Variants in HTR4 observed in about 807,000 individuals in gnomAD.
HTR4 encodes 5-hydroxytryptamine receptor 4.
A neutral mutation model predicts 36.8 loss-of-function variants in HTR4; 16 were observed. That is an observed-to-expected ratio of 0.43 (90% confidence interval 0.29 to 0.66). HTR4 has a LOEUF of 0.66. Ranked by LOEUF, HTR4 falls within the 30% of genes least tolerant of loss-of-function variation. The pLI, the probability that HTR4 is intolerant of heterozygous loss-of-function variation, is 0.13. For missense variants in HTR4, 438 were observed against 490.9 expected (o/e 0.89, Z 1.02); for synonymous variants, 189 against 185.1 (o/e 1.02, Z -0.17).
chr5:148,494,944 A>G (rs1187638250), intron 6 of HTR4, among the ~76,000 whole-genome samples: 1 of 152,234 alleles, frequency 6.6e-6, no homozygotes, highest in African/African-American at 2.4e-5. Flanking sequence ...CCTGTTTATC[A>G]CAGGGATTAA....
intron 2 of HTR4, among the ~76,000 whole-genome samples, chr5:148,551,614 T>C (rs1759696749): frequency 6.6e-6 from 1 of 152,250 alleles, no homozygotes; most frequent in Admixed American, 6.5e-5. Flanking sequence ...ATGTTCTTTT[T>C]AATGAAGTTT....
intron 2 of HTR4, among the ~76,000 whole-genome samples, chr5:148,561,030 T>C (rs1760179070): frequency 6.6e-6 from 1 of 152,188 alleles, no homozygotes; most frequent in Non-Finnish European, 1.5e-5. Context: ...AATGGAGTTT[T>C]TATGTAATTC....
intron 2 of HTR4, among the ~76,000 whole-genome samples, chr5:148,571,379 A>G (rs1760671509): frequency 6.6e-6 from 1 of 152,026 alleles, no homozygotes; most frequent in Non-Finnish European, 1.5e-5. Flanking sequence ...TGACTGCTTT[A>G]TTATGTTCTG....
At position 148,614,454 on chromosome 5, in the gene HTR4, G is replaced by T. The variant is rs555209900; in HGVS notation, c.26+22535C>A. Reference sequence around the variant, plus strand: ...GGAAGGATTCCCTATTTAATAAATGGTGCTGGGAAAACTGGCTAGCCATAT... The same window carrying T: ...GGAAGGATTCCCTATTTAATAAATGTTGCTGGGAAAACTGGCTAGCCATAT... On this transcript the variant is annotated intron_variant, in intron 2 of 6. Transcript: ENST00000377888. Among the ~76,000 whole-genome samples, 33 of 152,264 alleles carry T rather than the reference G, an allele frequency of 2.2e-4. 1 individual carries two copies. In the East Asian group the frequency reaches 6.0e-3, roughly 28 times the overall value.
chr5:148,535,803 GAA>G (rs1282834746), intron 4 of HTR4, among the ~76,000 whole-genome samples: 1 of 152,096 alleles, frequency 6.6e-6, no homozygotes, highest in East Asian at 1.9e-4. Context: ...AAACAACTTG[GAA>G]AACATATTTC....
intron 1 of HTR4, among the ~76,000 whole-genome samples, chr5:148,651,698 T>C (rs1239585162): frequency 1.3e-5 from 2 of 151,498 alleles, no homozygotes; most frequent in African/African-American, 4.9e-5. Context: ...TTAATAATAT[T>C]ATTGAATATT....
chr5:148,492,321 T>C (rs1306956193), intron 6 of HTR4, among the ~76,000 whole-genome samples: 1 of 152,224 alleles, frequency 6.6e-6, no homozygotes, highest in Non-Finnish European at 1.5e-5. Context: ...AGAAGGCATA[T>C]TCAAAATAAC....
intron 2 of HTR4, among the ~76,000 whole-genome samples, chr5:148,565,497 G>A (rs1760395409): frequency 6.6e-6 from 1 of 152,254 alleles, no homozygotes; most frequent in African/African-American, 2.4e-5. Flanking sequence ...GTGGAGATGG[G>A]GTTTAGAAGG....
At chr5:148,462,589 G>A (rs1047510868) in intron 5 of HTR4, among the ~76,000 whole-genome samples, 11 of 151,954 alleles carry the variant, frequency 7.2e-5, no homozygotes, top group African/African-American at 2.2e-4. Flanking sequence ...GCCAAACATA[G>A]AAGGAAGAAA....
downstream of HTR4, among the ~76,000 whole-genome samples, chr5:148,472,943 TTG>T (rs998793091): frequency 6.6e-6 from 1 of 152,080 alleles, no homozygotes; most frequent in Non-Finnish European, 1.5e-5. Flanking sequence ...GTATTTATTG[TTG>T]TGTGTGTATG....
At chr5:148,578,607 T>C (rs1277488563) in intron 2 of HTR4, among the ~76,000 whole-genome samples, 2 of 152,106 alleles carry the variant, frequency 1.3e-5, no homozygotes, top group Non-Finnish European at 2.9e-5. Flanking sequence ...GTATAATCGC[T>C]AAAAGCACAG....
chr5:148,609,929 C>A (rs1752345545), intron 2 of HTR4, among the ~76,000 whole-genome samples: 1 of 138,500 alleles, frequency 7.2e-6, no homozygotes, highest in South Asian at 2.4e-4. Flanking sequence ...AAATATTAAT[C>A]TTAGAAACTT....
intron 2 of HTR4, among the ~76,000 whole-genome samples, chr5:148,564,915 G>T (rs1250497354): frequency 2.0e-5 from 3 of 151,964 alleles, no homozygotes; most frequent in Non-Finnish European, 4.4e-5. Context: ...TTCGAGACCA[G>T]CCTGGCCAGT....
Position 148,509,669 on chromosome 5 carries a change from G to C in HTR4, c.863C>G (p.Thr288Ser). 1 of 1,614,126 alleles carries C rather than the reference G, an allele frequency of 6.2e-7. No individual in the cohort carries two copies. Among genetic ancestry groups the C allele is most frequent in the Non-Finnish European group, 8.5e-7 (1 of 1,180,004 alleles). The change falls in exon 6 of 7, where the codon ACT becomes AGT. Residue 288 changes from threonine to serine, a missense_variant. Physicochemically the swap from Thr to Ser is moderately conservative, Grantham distance 58. Coordinates refer to ENST00000377888, the MANE Select transcript of HTR4 (RefSeq NM_000870.7). Reference protein sequence around the residue: ...TNIVDPFIDYTVPGQVWTAFL... With the variant: ...TNIVDPFIDYSVPGQVWTAFL... Reference sequence around the variant, plus strand: ...AGCAGTCCACACCTGCCCAGGGACAGTGTAGTCTATGAAAGGATCCACAAT... The same window carrying C: ...AGCAGTCCACACCTGCCCAGGGACACTGTAGTCTATGAAAGGATCCACAAT...
chr5:148,529,870 T>C (rs1416772010), intron 4 of HTR4, among the ~76,000 whole-genome samples: 1 of 152,212 alleles, frequency 6.6e-6, no homozygotes, highest in African/African-American at 2.4e-5. Flanking sequence ...ATGAGAAACT[T>C]GCTGGGAACT....
intron 2 of HTR4, among the ~76,000 whole-genome samples, chr5:148,571,535 T>C (rs1387359581): frequency 6.6e-6 from 1 of 152,100 alleles, no homozygotes; most frequent in African/African-American, 2.4e-5. Context: ...CTCGTGGATT[T>C]CATTTCAGTA....
chr5:148,641,122 T>G (rs772303673), intron 1 of HTR4, among the ~76,000 whole-genome samples: 2 of 152,200 alleles, frequency 1.3e-5, no homozygotes, highest in Non-Finnish European at 2.9e-5. Context: ...GCTGGGAAGA[T>G]TGCATAGGGT....
At chr5:148,455,399 T>G (rs1471029497) in intron 5 of HTR4, among the ~76,000 whole-genome samples, 1 of 152,232 alleles carries the variant, frequency 6.6e-6, no homozygotes, top group Non-Finnish European at 1.5e-5. Context: ...TAAAAAGATG[T>G]ACTGCCGTGG....
At chr5:148,564,373 T>C (rs1760347396) in intron 2 of HTR4, among the ~76,000 whole-genome samples, 1 of 152,214 alleles carries the variant, frequency 6.6e-6, no homozygotes, top group Non-Finnish European at 1.5e-5. Flanking sequence ...TTGTACCCTA[T>C]AATTATATAT....
Sources: gnomAD v4.1 joint callset for allele counts (sites outside exome capture counted in the v4.1 genomes callset) on GRCh38, gnomAD v4.1.1 for gene constraint, MANE v1.5 for transcripts, NCBI Gene and HGNC (gene_info 2026-07-23, HGNC 2026-07-21) for gene names.